The following CCSER2 variants were observed in gnomAD, a reference collection of about 807,000 sequenced individuals.
CCSER2 encodes the protein coiled-coil serine rich protein 2, also known as serine-rich coiled-coil domain-containing protein 2.
Under a neutral mutation model 92.3 loss-of-function variants are expected in CCSER2, and 46 were observed. The ratio of observed to expected loss-of-function variants is 0.50; its 90% CI spans 0.39 to 0.64. The LOEUF (loss-of-function observed/expected upper bound fraction) is 0.64, where lower values mean the gene tolerates loss of function less well. Among genes scored for constraint, CCSER2 ranks in the 30% least tolerant of loss-of-function variants. CCSER2 has a pLI of 0.00. For synonymous variants in CCSER2, 433 were observed against 431.4 expected (o/e 1.00, Z -0.04); for missense variants, 1,244 against 1,238.9 (o/e 1.00, Z -0.06).
chr10:84,493,513 C>T (rs1212432578), intron 9 of CCSER2, among the ~76,000 whole-genome samples: 1 of 152,216 alleles, frequency 6.6e-6, no homozygotes, highest in African/African-American at 2.4e-5. Flanking sequence ...AATTGTTACT[C>T]CATAGACAGA....
chr10:84,344,793 G>A (rs1844389689), intron 1 of CCSER2, among the ~76,000 whole-genome samples: 1 of 152,160 alleles, frequency 6.6e-6, no homozygotes, highest in African/African-American at 2.4e-5. Context: ...AGTGGTGAGA[G>A]GGAGCAGCTG....
At chr10:84,441,118 C>T (rs1844505804) in intron 6 of CCSER2, among the ~76,000 whole-genome samples, 1 of 152,124 alleles carries the variant, frequency 6.6e-6, no homozygotes, top group African/African-American at 2.4e-5. Context: ...TGTGATTATT[C>T]TCTTTCCTTT....
intron 3 of CCSER2, among the ~76,000 whole-genome samples, chr10:84,412,579 G>A (rs1432391592): frequency 6.6e-6 from 1 of 152,140 alleles, no homozygotes; most frequent in Non-Finnish European, 1.5e-5. Flanking sequence ...ACGAAGTCTG[G>A]TGGAATCAAA....
chr10:84,379,061 C>T (rs1846499893), intron 3 of CCSER2, among the ~76,000 whole-genome samples: 1 of 152,060 alleles, frequency 6.6e-6, no homozygotes, highest in Non-Finnish European at 1.5e-5. Flanking sequence ...TGTGCTTATT[C>T]CTTAGGTATG....
intron 1 of CCSER2, among the ~76,000 whole-genome samples, chr10:84,353,553 TC>T (rs1844986306): frequency 6.6e-6 from 1 of 152,340 alleles, no homozygotes; most frequent in Non-Finnish European, 1.5e-5. Flanking sequence ...AGTCCCTACT[TC>T]CTGCAGCCCC....
In CCSER2 at chr10:84,425,823, A is replaced by G. The variant is rs1223683275; in HGVS notation, c.1798A>G (p.Ser600Gly). ...GFWKRPPQRW[S>G]GQEHYHLSHP... ...TTGGAAAAGGCCACCCCAGAGGTGG[A>G]GTGGACAGGAGCATTACCACCTCAG... The change falls in exon 5 of 10, where the codon AGT becomes GGT. Residue 600 changes from serine (S) to glycine (G), a missense_variant. Transcript: ENST00000372088. The G allele has an allele frequency of 6.2e-7, 1 of 1,612,802 alleles. No homozygotes were observed. The highest frequency in any genetic ancestry group is 1.1e-5 in the South Asian group (1 of 90,994).
At chr10:84,499,863 C>G (rs1848631673) in intron 9 of CCSER2, 4 of 1,613,680 alleles carry the variant, frequency 2.5e-6, no homozygotes, top group Admixed American at 3.3e-5. Context: ...TACCCCATCT[C>G]TCTCTGCACA....
chr10:84,352,246 G>T (rs1471368619), intron 1 of CCSER2, among the ~76,000 whole-genome samples: 2 of 152,170 alleles, frequency 1.3e-5, no homozygotes, highest in South Asian at 2.1e-4. Flanking sequence ...GGAGGTTGCA[G>T]TGAGCCAAGA....
At chr10:84,482,278 C>T (rs1012472167) in intron 9 of CCSER2, among the ~76,000 whole-genome samples, 2 of 152,030 alleles carry the variant, frequency 1.3e-5, no homozygotes, top group East Asian at 1.9e-4. Context: ...GCAAAATACC[C>T]GGATACAATG....
intron 3 of CCSER2, among the ~76,000 whole-genome samples, chr10:84,405,187 T>C (rs1214480789): frequency 4.6e-5 from 7 of 152,194 alleles, no homozygotes; most frequent in African/African-American, 1.4e-4. Flanking sequence ...AGATGGCCTG[T>C]GGATCTTTGA....
At chr10:84,336,883 C>T (rs76312173) in intron 1 of CCSER2, among the ~76,000 whole-genome samples, 1 of 152,130 alleles carries the variant, frequency 6.6e-6, no homozygotes, top group Non-Finnish European at 1.5e-5. Context: ...GAAGTGCCCA[C>T]ATTTTGTATA....
At chr10:84,421,778 C>T (rs1351416702) in intron 4 of CCSER2, among the ~76,000 whole-genome samples, 1 of 152,120 alleles carries the variant, frequency 6.6e-6, no homozygotes, top group Non-Finnish European at 1.5e-5. Context: ...CAAAATGGTA[C>T]ATGACACGGG....
chr10:84,380,151 A>G (rs2133208317), intron 3 of CCSER2, among the ~76,000 whole-genome samples: 2 of 152,330 alleles, frequency 1.3e-5, no homozygotes, highest in East Asian at 1.9e-4. Flanking sequence ...TCTGAACCCC[A>G]TATGTCGTCA....
At chr10:84,393,218 T>C (rs1043316228) in intron 3 of CCSER2, among the ~76,000 whole-genome samples, 5 of 152,228 alleles carry the variant, frequency 3.3e-5, no homozygotes, top group African/African-American at 1.2e-4. Flanking sequence ...GTGTGTAACC[T>C]GCACAATGTG....
intron 6 of CCSER2, chr10:84,454,655 A>C (rs1325491917): frequency 6.3e-6 from 1 of 158,602 alleles, no homozygotes; most frequent in East Asian, 1.9e-4. Flanking sequence ...TCCACAATAC[A>C]CTTCCCAAAA....
chr10:84,503,505 TAATA>T (rs1474315175), intron 9 of CCSER2, among the ~76,000 whole-genome samples: 4 of 152,154 alleles, frequency 2.6e-5, no homozygotes, highest in African/African-American at 9.7e-5. Flanking sequence ...AAATTGGGAG[TAATA>T]AATAACCTAC....
intron 5 of CCSER2, among the ~76,000 whole-genome samples, chr10:84,429,812 C>T (rs1843663961): frequency 6.6e-6 from 1 of 151,538 alleles, no homozygotes; most frequent in Admixed American, 6.6e-5. Flanking sequence ...CCCCACTTCG[C>T]TCTGGCCACT....
intron 3 of CCSER2, among the ~76,000 whole-genome samples, chr10:84,403,042 C>A (rs1461466387): frequency 6.6e-6 from 1 of 152,136 alleles, no homozygotes; most frequent in African/African-American, 2.4e-5. Context: ...GCAAGAATTA[C>A]TCTACCTGAT....
intron 1 of CCSER2, among the ~76,000 whole-genome samples, chr10:84,330,548 T>C (rs1263645367): frequency 2.6e-5 from 4 of 152,228 alleles, no homozygotes; most frequent in Non-Finnish European, 5.9e-5. Context: ...AGTCTTGCAC[T>C]GTGGCCTGGG....
Sources: allele counts gnomAD v4.1 joint callset (sites outside exome capture counted in the v4.1 genomes callset), GRCh38; gene constraint gnomAD v4.1.1; transcripts MANE v1.5; gene names NCBI Gene and HGNC (gene_info 2026-07-23, HGNC 2026-07-21).